Variants in PLCB1 observed in about 807,000 individuals in gnomAD.
PLCB1 encodes the protein phospholipase C beta 1.
In PLCB1, 46 loss-of-function variants were observed where a neutral mutation model predicts 161.8. The observed-to-expected ratio is 0.28, with a 90% CI of 0.22 to 0.36. The LOEUF (loss-of-function observed/expected upper bound fraction) is 0.36, where lower values mean the gene tolerates loss of function less well. PLCB1 is among the 10% of genes least tolerant of loss of function. The probability of loss-of-function intolerance (pLI) is 1.00; values close to 1 mark genes in which losing one functional copy is unlikely to be tolerated. For synonymous variants in PLCB1, 517 were observed against 503.7 expected, an observed-to-expected ratio of 1.03 and a Z score of -0.35; for missense variants, 1,016 against 1,472.5, an observed-to-expected ratio of 0.69 and a Z score of 5.07.
intron 2 of PLCB1, among the ~76,000 whole-genome samples, chr20:8,196,298 G>A (rs2052023420): frequency 1.3e-5 from 2 of 152,112 alleles, no homozygotes; most frequent in Admixed American, 1.3e-4. Flanking sequence ...CCATTTGGCA[G>A]TTGGCTCTTT....
intron 17 of PLCB1, among the ~76,000 whole-genome samples, chr20:8,727,699 C>G (rs1980014661): frequency 6.6e-6 from 1 of 152,000 alleles, no homozygotes; most frequent in Non-Finnish European, 1.5e-5. Flanking sequence ...AATAATTATA[C>G]TAGCTTTATG....
At chr20:8,432,732 A>C (rs528725334) in intron 3 of PLCB1, among the ~76,000 whole-genome samples, 1 of 152,238 alleles carries the variant, frequency 6.6e-6, no homozygotes, top group African/African-American at 2.4e-5. Flanking sequence ...TGGCATTTGA[A>C]GTTGCCAACA....
At chr20:8,791,066 G>T (rs569152440) in intron 31 of PLCB1, among the ~76,000 whole-genome samples, 2 of 152,122 alleles carry the variant, frequency 1.3e-5, no homozygotes, top group Admixed American at 6.5e-5. Flanking sequence ...TTATTTAATT[G>T]TATGTTTCAT....
chr20:8,323,465 A>G (rs974352450), intron 2 of PLCB1, among the ~76,000 whole-genome samples: 6 of 152,084 alleles, frequency 3.9e-5, no homozygotes, highest in South Asian at 2.1e-4. Context: ...CCACTCACAT[A>G]TCTGTTGTCT....
rs1389388231 is a variant in PLCB1, at chr20:8,875,612, A to T, written c.3424-6010A>T. On this transcript the variant is annotated intron_variant, in intron 31 of 31. Coordinates refer to ENST00000338037, the MANE Select transcript of PLCB1 (RefSeq NM_015192.4). ...ACACTTCATTGGGCAAAATGACCTG[A>T]GTTGGACTCTGGAATTCCAAATTTT... Among the ~76,000 whole-genome samples, 49 of 150,786 alleles carry T rather than the reference A, an allele frequency of 3.2e-4. 1 individual carries two copies. Among genetic ancestry groups the T allele is most frequent in the Non-Finnish European group, 1.6e-4 (11 of 67,672 alleles).
chr20:8,426,378 G>A (rs572266058), intron 3 of PLCB1, among the ~76,000 whole-genome samples: 5 of 152,256 alleles, frequency 3.3e-5, no homozygotes, highest in African/African-American at 1.2e-4. Flanking sequence ...AACCGACCAC[G>A]CGCACTGGTT....
chr20:8,860,963 T>C (rs1350800662), intron 31 of PLCB1, among the ~76,000 whole-genome samples: 2 of 152,208 alleles, frequency 1.3e-5, no homozygotes, highest in African/African-American at 2.4e-5. Flanking sequence ...GACAGACAAA[T>C]ATTGCAATTT....
chr20:8,828,363 G>A (rs1488417209), intron 31 of PLCB1, among the ~76,000 whole-genome samples: 2 of 151,070 alleles, frequency 1.3e-5, no homozygotes, highest in African/African-American at 2.5e-5. Context: ...ATGAAACAAG[G>A]AAATTCAGTT....
At chr20:8,642,435 T>G (rs977535102) in intron 4 of PLCB1, among the ~76,000 whole-genome samples, 2 of 152,216 alleles carry the variant, frequency 1.3e-5, no homozygotes, top group African/African-American at 4.8e-5. Flanking sequence ...ATGCCAGTAG[T>G]GACAGAAATG....
chr20:8,300,471 C>G (rs950425272), intron 2 of PLCB1, among the ~76,000 whole-genome samples: 2 of 152,064 alleles, frequency 1.3e-5, no homozygotes, highest in Non-Finnish European at 2.9e-5. Context: ...TAGAGTCTCA[C>G]CTCTCTCCCA....
At chr20:8,195,209 T>C (rs2052008771) in intron 2 of PLCB1, among the ~76,000 whole-genome samples, 1 of 152,002 alleles carries the variant, frequency 6.6e-6, no homozygotes, top group Admixed American at 6.6e-5. Flanking sequence ...GAAGAAACCA[T>C]GCAGAGGGAC....
intron 31 of PLCB1, chr20:8,802,129 C>A (rs138434221): frequency 3.5e-4 from 564 of 1,612,822 alleles, no homozygotes; most frequent in Non-Finnish European, 4.4e-4. Context: ...TTTACTCCCC[C>A]CAACCCTCAA....
At chr20:8,172,765 A>G (rs894014368) in intron 2 of PLCB1, among the ~76,000 whole-genome samples, 8 of 152,178 alleles carry the variant, frequency 5.3e-5, no homozygotes, top group Non-Finnish European at 2.9e-5. Context: ...ACATAATGTG[A>G]GAGGCAACCA....
intron 31 of PLCB1, among the ~76,000 whole-genome samples, chr20:8,849,178 C>T (rs1234327625): frequency 6.6e-6 from 1 of 152,156 alleles, no homozygotes; most frequent in East Asian, 1.9e-4. Flanking sequence ...CTCAAGTGGG[C>T]ACTGCTTCCC....
intron 1 of PLCB1, among the ~76,000 whole-genome samples, chr20:8,142,505 C>T (rs1324668106): frequency 6.6e-6 from 1 of 152,188 alleles, no homozygotes; most frequent in East Asian, 1.9e-4. Flanking sequence ...GTGTATACTA[C>T]ACTGCAATTC....
chr20:8,614,111 T>C (rs1439567956), intron 3 of PLCB1, among the ~76,000 whole-genome samples: 1 of 152,096 alleles, frequency 6.6e-6, no homozygotes, highest in Non-Finnish European at 1.5e-5. Flanking sequence ...AATAAGAAGA[T>C]ATATTTCCAA....
At chr20:8,155,747 C>A (rs1396688021) in intron 2 of PLCB1, among the ~76,000 whole-genome samples, 1 of 152,088 alleles carries the variant, frequency 6.6e-6, no homozygotes, top group East Asian at 1.9e-4. Context: ...TGGGATAGGT[C>A]ATTCAAGAGT....
chr20:8,156,716 A>G (rs968494973), intron 2 of PLCB1, among the ~76,000 whole-genome samples: 1 of 152,190 alleles, frequency 6.6e-6, no homozygotes, highest in African/African-American at 2.4e-5. Context: ...CCCTCAGTGA[A>G]TCTCTTTAAA....
intron 2 of PLCB1, among the ~76,000 whole-genome samples, chr20:8,236,772 C>T (rs1980350360): frequency 6.6e-6 from 1 of 151,762 alleles, no homozygotes; most frequent in Non-Finnish European, 1.5e-5. Context: ...TCTGTACTAG[C>T]CTTTATAAAT....
Sources: allele counts gnomAD v4.1 joint callset (sites outside exome capture counted in the v4.1 genomes callset), GRCh38; gene constraint gnomAD v4.1.1; transcripts MANE v1.5; gene names NCBI Gene and HGNC (gene_info 2026-07-23, HGNC 2026-07-21).